Variants in BMPR1A observed in about 807,000 individuals in gnomAD.
BMPR1A encodes the protein bone morphogenetic protein receptor type 1A, also known as bone morphogenetic protein receptor type-1A.
Under a neutral mutation model 66.0 loss-of-function variants are expected in BMPR1A, and 7 were observed. That is an observed-to-expected ratio of 0.11 (90% CI 0.06 to 0.20). The LOEUF (loss-of-function observed/expected upper bound fraction) is 0.20, where lower values mean the gene tolerates loss of function less well. Among genes scored for constraint, BMPR1A ranks in the 10% least tolerant of loss-of-function variants. BMPR1A has a pLI of 1.00. For missense variants in BMPR1A, 408 were observed against 669.1 expected (o/e 0.61, Z 4.31); for synonymous variants, 200 against 229.7 (o/e 0.87, Z 1.17).
chr10:86,824,250 T>C (rs1451266922), intron 1 of BMPR1A, among the ~76,000 whole-genome samples: 1 of 152,182 alleles, frequency 6.6e-6, no homozygotes, highest in Non-Finnish European at 1.5e-5. Context: ...TGTTGGATTA[T>C]GTGCATTGTG....
intron 1 of BMPR1A, among the ~76,000 whole-genome samples, chr10:86,827,461 C>T (rs1842211860): frequency 6.6e-6 from 1 of 152,098 alleles, no homozygotes; most frequent in African/African-American, 2.4e-5. Context: ...ACCTCGGTTT[C>T]ACCTAGTTTT....
chr10:86,763,993 G>A (rs892845063), intron 1 of BMPR1A, among the ~76,000 whole-genome samples: 5 of 152,100 alleles, frequency 3.3e-5, no homozygotes, highest in African/African-American at 7.2e-5. Context: ...GGGTTTCACC[G>A]TGTTAGCCAG....
intron 1 of BMPR1A, among the ~76,000 whole-genome samples, chr10:86,812,679 C>A (rs954485373): frequency 2.0e-5 from 3 of 152,142 alleles, no homozygotes; most frequent in Non-Finnish European, 4.4e-5. Flanking sequence ...AGGTTCACAG[C>A]AAAATTGAAG....
intron 2 of BMPR1A, among the ~76,000 whole-genome samples, chr10:86,847,994 C>T (rs1842510359): frequency 6.6e-6 from 1 of 151,240 alleles, no homozygotes; most frequent in Non-Finnish European, 1.5e-5. Context: ...TACAGTGGTG[C>T]CATCTTGGCT....
At chr10:86,827,622 T>C (rs754953464) in intron 1 of BMPR1A, among the ~76,000 whole-genome samples, 19 of 152,348 alleles carry the variant, frequency 1.2e-4, no homozygotes, top group Non-Finnish European at 2.1e-4. Context: ...GAATGTCTTC[T>C]TTTACACAGT....
intron 1 of BMPR1A, 25 bp downstream of exon 1, chr10:86,756,944 C>G (rs1847879878): frequency 6.6e-6 from 1 of 151,868 alleles, no homozygotes; most frequent in Non-Finnish European, 1.5e-5. Context: ...CGCGTGCGGA[C>G]CGGAGGGGCT....
intron 1 of BMPR1A, among the ~76,000 whole-genome samples, chr10:86,804,805 T>G (rs560365998): frequency 2.9e-4 from 44 of 150,700 alleles, no homozygotes; most frequent in South Asian, 1.9e-3. Flanking sequence ...TTTTTTTTTT[T>G]TTTTTTTTTG....
rs555379294 is a variant in BMPR1A at position 86,810,810 on chromosome 10, A to G, written c.-267-28055A>G. 4.6e-5 allele frequency among the ~76,000 whole-genome samples: 7 copies of G among 152,270 alleles called. No homozygotes were observed. In the South Asian group the frequency reaches 1.2e-3, roughly 27 times the overall value. ...TTATATATTCCAGATACAAGTCCTT[A>G]TCAGTTACATGATTTACAAAAATTT... On this transcript the variant is annotated intron_variant, in intron 1 of 12. Transcript: ENST00000372037.
intron 1 of BMPR1A, among the ~76,000 whole-genome samples, chr10:86,810,845 C>T (rs1031899809): frequency 1.3e-5 from 2 of 152,128 alleles, no homozygotes; most frequent in African/African-American, 4.8e-5. Context: ...TTCTACCATT[C>T]CCATTCCTTG....
chr10:86,801,367 G>A (rs1263160114), intron 1 of BMPR1A, among the ~76,000 whole-genome samples: 1 of 152,090 alleles, frequency 6.6e-6, no homozygotes, highest in East Asian at 1.9e-4. Context: ...GAACTCCTGG[G>A]CCCACTCAAG....
chr10:86,791,556 C>T (rs993758706), intron 1 of BMPR1A, among the ~76,000 whole-genome samples: 1 of 151,468 alleles, frequency 6.6e-6, no homozygotes, highest in Admixed American at 6.6e-5. Context: ...TAGAAATTCA[C>T]TAAGTGATGT....
At chr10:86,867,048 T>G (rs1842795800) in intron 2 of BMPR1A, among the ~76,000 whole-genome samples, 1 of 152,222 alleles carries the variant, frequency 6.6e-6, no homozygotes, top group African/African-American at 2.4e-5. Flanking sequence ...GTTTCTCTGA[T>G]TTAATCTGCA....
intron 5 of BMPR1A, among the ~76,000 whole-genome samples, chr10:86,893,240 G>GA (rs919404042): frequency 3.3e-5 from 5 of 150,646 alleles, no homozygotes; most frequent in Admixed American, 6.6e-5. Context: ...CACTAAAGTT[G>GA]AAAAAAAAAT....
At chr10:86,931,314 T>TATATATATATA (rs71019438), downstream of BMPR1A, 1 of 107,470 alleles carries the variant, frequency 9.3e-6, no homozygotes, top group African/African-American at 5.0e-5. Flanking sequence ...TATATATATA[T>TATATATATATA]TCAAGCAATG....
intron 1 of BMPR1A, among the ~76,000 whole-genome samples, chr10:86,816,404 G>A (rs993065341): frequency 2.6e-5 from 4 of 151,962 alleles, no homozygotes; most frequent in East Asian, 3.9e-4. Context: ...GGCATTATCC[G>A]CAGCACTGAC....
chr10:86,775,428 ATGT>A (rs1841331139), intron 1 of BMPR1A, among the ~76,000 whole-genome samples: 2 of 152,262 alleles, frequency 1.3e-5, no homozygotes, highest in Admixed American at 6.5e-5. Flanking sequence ...CGAAAGTCAA[ATGT>A]TGTGAAGGGT....
chr10:86,869,105 A>C (rs1163350778), intron 2 of BMPR1A, among the ~76,000 whole-genome samples: 1 of 152,160 alleles, frequency 6.6e-6, no homozygotes, highest in Non-Finnish European at 1.5e-5. Flanking sequence ...ATTCCGATGA[A>C]TCATTTAGGA....
intron 3 of BMPR1A, among the ~76,000 whole-genome samples, chr10:86,883,604 C>G (rs190218612): frequency 0.032 from 4,534 of 142,576 alleles, 172 homozygotes; most frequent in African/African-American, 0.089. Context: ...AACACCGTCT[C>G]TACTAAAAAT....
At chr10:86,808,031 T>C (rs1841916275) in intron 1 of BMPR1A, among the ~76,000 whole-genome samples, 1 of 152,186 alleles carries the variant, frequency 6.6e-6, no homozygotes, top group Admixed American at 6.5e-5. Flanking sequence ...CAGAACTCAT[T>C]TGGGCCTGTT....
Sources: gnomAD v4.1 joint callset for allele counts (sites outside exome capture counted in the v4.1 genomes callset) on GRCh38, gnomAD v4.1.1 for gene constraint, MANE v1.5 for transcripts, NCBI Gene and HGNC (gene_info 2026-07-23, HGNC 2026-07-21) for gene names.